Variants in EFHC1 observed in about 807,000 individuals in gnomAD.
EFHC1 encodes EF-hand domain containing 1.
A neutral mutation model predicts 69.9 loss-of-function variants in EFHC1; 53 were observed. That is an observed-to-expected ratio of 0.76 (90% confidence interval 0.61 to 0.95). EFHC1 has a LOEUF of 0.95. EFHC1 is among the 40% of genes least tolerant of loss of function. EFHC1 has a pLI of 0.00. For missense variants in EFHC1, 739 were observed against 798.7 expected (o/e 0.93, Z 0.90); for synonymous variants, 256 against 278.4 (o/e 0.92, Z 0.80).
At chr6:52,423,179 G>A (rs1331097324) in intron 1 of EFHC1, among the ~76,000 whole-genome samples, 2 of 152,182 alleles carry the variant, frequency 1.3e-5, no homozygotes, top group Non-Finnish European at 2.9e-5. Flanking sequence ...TTGTAAGAAT[G>A]TATCACTGTC....
intron 4 of EFHC1, chr6:52,453,774 A>G (rs1217521549): frequency 7.9e-7 from 1 of 1,268,324 alleles, no homozygotes; most frequent in Non-Finnish European, 1.0e-6. Flanking sequence ...TATATATACC[A>G]CTATGTAAAG....
chr6:52,452,304 T>C (rs1367992509), intron 3 of EFHC1, among the ~76,000 whole-genome samples: 1 of 152,192 alleles, frequency 6.6e-6, no homozygotes, highest in Non-Finnish European at 1.5e-5. Context: ...ACTTTTTCTT[T>C]CTTTTTTTCT....
intron 2 of EFHC1, among the ~76,000 whole-genome samples, chr6:52,432,315 G>C (rs920889536): frequency 3.3e-5 from 5 of 152,046 alleles, no homozygotes; most frequent in African/African-American, 4.8e-5. Flanking sequence ...TGAGATTTAT[G>C]CTTTAAAGAG....
At chr6:52,473,078 A>G (rs929159986) in intron 7 of EFHC1, among the ~76,000 whole-genome samples, 24 of 152,220 alleles carry the variant, frequency 1.6e-4, no homozygotes, top group African/African-American at 5.8e-4. Context: ...AGCACCAGGA[A>G]TAGCCAAGAT....
chr6:52,439,869 G>A (rs1473301813), intron 3 of EFHC1, among the ~76,000 whole-genome samples: 1 of 152,044 alleles, frequency 6.6e-6, no homozygotes, highest in African/African-American at 2.4e-5. Context: ...TTGCTTTTTA[G>A]GTGTCTGAGG....
chr6:52,475,191 AT>A (rs774728504), intron 7 of EFHC1, among the ~76,000 whole-genome samples: 6 of 152,148 alleles, frequency 3.9e-5, no homozygotes, highest in Non-Finnish European at 7.4e-5. Flanking sequence ...GAAATAGAGA[AT>A]GTATTCATTA....
intron 5 of EFHC1, among the ~76,000 whole-genome samples, chr6:52,464,231 A>T (rs922712302): frequency 7.2e-5 from 11 of 152,216 alleles, no homozygotes; most frequent in Admixed American, 5.9e-4. Flanking sequence ...TTGATTCTAC[A>T]TTTGGAAATT....
At chr6:52,421,121 A>G in intron 1 of EFHC1, 3 of 874,034 alleles carry the variant, frequency 3.4e-6, no homozygotes, top group Non-Finnish European at 4.1e-6. Flanking sequence ...TTTTTTCTCC[A>G]TCTTCTACAT....
In EFHC1 at chr6:52,492,779, T is replaced by G. The variant is rs1175744678; in HGVS notation, c.*438T>G. 1 of 439,996 alleles carries G rather than the reference T, an allele frequency of 2.3e-6. No individual in the cohort carries two copies. The highest frequency in any genetic ancestry group is 2.4e-5 in the Admixed American group (1 of 40,830). The allele number at this position is 439,996 out of a possible 1,614,324, so 27.3% of individuals were successfully genotyped here. A position where few individuals can be genotyped will look rare whatever the true frequency, so the allele number is the denominator to read the frequency against. On this transcript the variant is annotated 3_prime_UTR_variant, in exon 11 of 11. Transcript: ENST00000371068. ...ACAGGCTCAAGCCACCATGCCCAGC[T>G]AATTTTTAAAATTATTTTGTAGAGA...
chr6:52,466,271 C>T (rs1765304260), intron 6 of EFHC1, among the ~76,000 whole-genome samples: 1 of 152,192 alleles, frequency 6.6e-6, no homozygotes, highest in South Asian at 2.1e-4. Context: ...GCCTTCCCTT[C>T]CAGCGGCTGC....
intron 5 of EFHC1, among the ~76,000 whole-genome samples, chr6:52,459,038 A>G (rs907749823): frequency 6.6e-6 from 1 of 152,218 alleles, no homozygotes; most frequent in African/African-American, 2.4e-5. Flanking sequence ...GGACACAAAG[A>G]CAGGAACAAT....
At position 52,454,128 on chromosome 6, in the gene EFHC1, G is replaced by A. The variant is rs137852778; in HGVS notation, c.757G>A (p.Asp253Asn). Residue 253 changes from aspartate to asparagine, a missense_variant, in exon 5 of 11, where the codon GAC (aspartate) becomes AAC (asparagine). Asp to Asn is a conservative substitution (Grantham distance 23). Transcript: ENST00000371068. The part of the protein sequence containing the change: ...LRFYAIWDDT[D>N]SMYGECRTYI... ...ATTCTATGCAATCTGGGATGATACAGACAGCATGTATGGTGAATGTCGGAC... is the reference window on the plus strand; with the variant it reads ...ATTCTATGCAATCTGGGATGATACAAACAGCATGTATGGTGAATGTCGGAC... 3.1e-6 allele frequency: 5 copies of A among 1,613,882 alleles called. No homozygotes were observed. Among genetic ancestry groups the A allele is most frequent in the Admixed American group, 1.7e-5 (1 of 60,002 alleles).
At chr6:52,462,651 C>G (rs1175906591) in intron 5 of EFHC1, among the ~76,000 whole-genome samples, 1 of 152,018 alleles carries the variant, frequency 6.6e-6, no homozygotes, top group Non-Finnish European at 1.5e-5. Flanking sequence ...TTTGGGAGGC[C>G]AAGGCAGGCG....
At chr6:52,466,875 C>T (rs1344051304) in intron 6 of EFHC1, among the ~76,000 whole-genome samples, 1 of 152,142 alleles carries the variant, frequency 6.6e-6, no homozygotes, top group Non-Finnish European at 1.5e-5. Flanking sequence ...CTCTTGCTGT[C>T]AGTTTTTTCT....
intron 2 of EFHC1, among the ~76,000 whole-genome samples, chr6:52,424,760 T>A (rs1346703101): frequency 6.6e-6 from 1 of 152,238 alleles, no homozygotes; most frequent in East Asian, 1.9e-4. Context: ...TTTTTCCTTG[T>A]CAATGAGCCT....
At chr6:52,424,604 G>A (rs1453949527) in intron 2 of EFHC1, among the ~76,000 whole-genome samples, 1 of 152,164 alleles carries the variant, frequency 6.6e-6, no homozygotes, top group Non-Finnish European at 1.5e-5. Flanking sequence ...GTCTCCATAA[G>A]TTTTTGGTTT....
At chr6:52,484,389 T>C (rs1765744171) in intron 9 of EFHC1, 1 of 152,240 alleles carries the variant, frequency 6.6e-6, no homozygotes, top group Non-Finnish European at 1.5e-5. Flanking sequence ...ACCCATTTCA[T>C]GTCAACACAA....
intron 4 of EFHC1, 40 bp from the exon 5 acceptor site, chr6:52,454,055 C>T: frequency 6.2e-7 from 1 of 1,611,310 alleles, no homozygotes; most frequent in South Asian, 1.1e-5. Flanking sequence ...GAACTCCCTA[C>T]TTTTAGGATT....
intron 3 of EFHC1, among the ~76,000 whole-genome samples, chr6:52,441,918 T>G (rs112801689): frequency 6.6e-6 from 1 of 152,164 alleles, no homozygotes; most frequent in Non-Finnish European, 1.5e-5. Flanking sequence ...TGTTGGTGTA[T>G]AGGAGTGCTA....
Sources: gnomAD v4.1 joint callset for allele counts (sites outside exome capture counted in the v4.1 genomes callset) on GRCh38, gnomAD v4.1.1 for gene constraint, MANE v1.5 for transcripts, NCBI Gene and HGNC (gene_info 2026-07-23, HGNC 2026-07-21) for gene names.